The following TMTC1 variants were observed in gnomAD, a reference collection of about 807,000 sequenced individuals.
The protein encoded by TMTC1 is transmembrane O-mannosyltransferase targeting cadherins 1, also known as protein O-mannosyl-transferase TMTC1.
In TMTC1, 73 loss-of-function variants were observed where a neutral mutation model predicts 104.8. The ratio of observed to expected loss-of-function variants is 0.70; its 90% CI spans 0.58 to 0.85. The LOEUF (loss-of-function observed/expected upper bound fraction) is 0.85, where lower values mean the gene tolerates loss of function less well. TMTC1 is among the 40% of genes least tolerant of loss of function. TMTC1 has a pLI of 0.00. For synonymous variants in TMTC1, 434 were observed against 428.7 expected (o/e 1.01, Z -0.15); for missense variants, 1,035 against 1,096.1 (o/e 0.94, Z 0.79).
chr12:29,576,781 C>G (rs889071260), intron 8 of TMTC1, among the ~76,000 whole-genome samples: 8 of 151,768 alleles, frequency 5.3e-5, no homozygotes, highest in African/African-American at 1.9e-4. Flanking sequence ...TTTTAGGTGC[C>G]CTTACTATTA....
intron 5 of TMTC1, among the ~76,000 whole-genome samples, chr12:29,712,907 G>T (rs1237311818): frequency 6.6e-6 from 1 of 152,134 alleles, no homozygotes; most frequent in Non-Finnish European, 1.5e-5. Context: ...TTAATTTTAT[G>T]TGCCAATTTG....
intron 5 of TMTC1, among the ~76,000 whole-genome samples, chr12:29,708,289 T>A (rs888565179): frequency 6.6e-6 from 1 of 152,194 alleles, no homozygotes; most frequent in Non-Finnish European, 1.5e-5. Context: ...AATGAATGAG[T>A]GAATACAGCC....
At chr12:29,659,485 C>A (rs926849306) in intron 5 of TMTC1, among the ~76,000 whole-genome samples, 1 of 152,212 alleles carries the variant, frequency 6.6e-6, no homozygotes, top group Non-Finnish European at 1.5e-5. Flanking sequence ...TGCACACAGT[C>A]AGCTCACCAT....
intron 6 of TMTC1, among the ~76,000 whole-genome samples, chr12:29,632,913 C>A (rs571740957): frequency 5.9e-5 from 9 of 152,034 alleles, no homozygotes; most frequent in African/African-American, 1.9e-4. Context: ...CAGCCAACCA[C>A]AGTAGTAACC....
At chr12:29,544,225 G>A (rs2136223816) in intron 10 of TMTC1, among the ~76,000 whole-genome samples, 1 of 142,390 alleles carries the variant, frequency 7.0e-6, no homozygotes, top group South Asian at 2.2e-4. Flanking sequence ...CTGGGCAACA[G>A]AAGCAAAACT....
At chr12:29,752,452 C>A (rs1191285055) in intron 4 of TMTC1, among the ~76,000 whole-genome samples, 1 of 152,166 alleles carries the variant, frequency 6.6e-6, no homozygotes, top group African/African-American at 2.4e-5. Context: ...AGCAATGTCT[C>A]GGGATGTAAT....
intron 6 of TMTC1, among the ~76,000 whole-genome samples, chr12:29,613,556 T>C (rs1946900981): frequency 6.6e-6 from 1 of 152,160 alleles, no homozygotes; most frequent in African/African-American, 2.4e-5. Flanking sequence ...TAAGGGGACC[T>C]AGTGTGGAAG....
intron 17 of TMTC1, among the ~76,000 whole-genome samples, chr12:29,510,851 G>A (rs572179548): frequency 1.3e-5 from 2 of 152,268 alleles, no homozygotes; most frequent in South Asian, 4.1e-4. Flanking sequence ...TGGCATAAAA[G>A]CCCAAGTCCC....
Position 29,506,949 on chromosome 12 carries a change from GCT to G in TMTC1, c.2544_2545del (p.Arg848SerfsTer44). 6.2e-7 allele frequency: 1 copy of G among 1,613,754 alleles called. No homozygotes were observed. ...TTTGCTGTCTGGAACCAGCTGTAAG[GCT>G]CTCTCATAATAAGCTCTTGCAGACA... On this transcript the variant is annotated frameshift_variant, in exon 18 of 18. Transcript: ENST00000539277. LOFTEE classifies it high-confidence loss of function.
chr12:29,612,830 G>A (rs775715946), intron 6 of TMTC1, among the ~76,000 whole-genome samples: 2 of 152,118 alleles, frequency 1.3e-5, no homozygotes, highest in African/African-American at 2.4e-5. Context: ...CTTGTAAGTC[G>A]ATATTATATC....
intron 6 of TMTC1, among the ~76,000 whole-genome samples, chr12:29,620,789 A>G (rs1269940274): frequency 1.3e-5 from 2 of 152,234 alleles, no homozygotes; most frequent in East Asian, 1.9e-4. Context: ...ACATAGCAGA[A>G]CATTATCAGC....
intron 11 of TMTC1, among the ~76,000 whole-genome samples, chr12:29,530,434 C>A (rs1944470102): frequency 6.6e-6 from 1 of 152,170 alleles, no homozygotes; most frequent in Non-Finnish European, 1.5e-5. Context: ...GGAAAGAAAC[C>A]ATGGACTGTG....
intron 5 of TMTC1, among the ~76,000 whole-genome samples, chr12:29,664,097 G>A (rs1294176076): frequency 6.7e-6 from 1 of 150,284 alleles, no homozygotes; most frequent in Non-Finnish European, 1.5e-5. Context: ...TGAGGAAGGA[G>A]AATGGCGTGA....
At chr12:29,544,966 T>C (rs373105941) in intron 10 of TMTC1, among the ~76,000 whole-genome samples, 106 of 152,312 alleles carry the variant, frequency 7.0e-4, no homozygotes, top group African/African-American at 1.7e-3. Flanking sequence ...AATGTGCTTA[T>C]TATTAAATAA....
chr12:29,618,052 C>T (rs145055934), intron 6 of TMTC1, among the ~76,000 whole-genome samples: 4 of 152,224 alleles, frequency 2.6e-5, no homozygotes, highest in African/African-American at 4.8e-5. Context: ...TGAGAGATGA[C>T]GGTGGCTTGG....
intron 5 of TMTC1, among the ~76,000 whole-genome samples, chr12:29,689,439 G>A (rs1460141730): frequency 1.3e-5 from 2 of 151,890 alleles, no homozygotes; most frequent in East Asian, 3.9e-4. Flanking sequence ...TCAGCCTCCC[G>A]AGTAGCTGGG....
At chr12:29,614,029 C>T in intron 6 of TMTC1, 2 of 447,926 alleles carry the variant, frequency 4.5e-6, no homozygotes, top group Non-Finnish European at 5.9e-6. Flanking sequence ...TTTCACTCTC[C>T]TAGTGAAGAT....
intron 6 of TMTC1, among the ~76,000 whole-genome samples, chr12:29,632,458 A>G (rs1405182971): frequency 6.6e-6 from 1 of 152,056 alleles, no homozygotes; most frequent in Non-Finnish European, 1.5e-5. Flanking sequence ...TTCTCACTAG[A>G]TATAATGGTT....
rs1163706152 is a variant in TMTC1, at chr12:29,583,449, A to G, written c.1376T>C (p.Val459Ala). ...LLLLLFSWKT[V>A]KQNEIWLSRE... ...TGACAGCCAAATTTCATTCTGTTTC[A>G]CAGTTTTCCAAGAGAAAAGCAACAG... The change falls in exon 8 of 18, where the codon GTG becomes GCG. Residue 459 changes from valine to alanine, a missense_variant. Physicochemically the swap from Val to Ala is moderately conservative, Grantham distance 64. Coordinates refer to ENST00000539277, the MANE Select transcript of TMTC1 (RefSeq NM_001193451.2). 1.2e-6 allele frequency: 2 copies of G among 1,613,918 alleles called. No homozygotes were observed. Among genetic ancestry groups the G allele is most frequent in the South Asian group, 2.2e-5 (2 of 91,080 alleles).
Sources: gnomAD v4.1 joint callset for allele counts (sites outside exome capture counted in the v4.1 genomes callset) on GRCh38, gnomAD v4.1.1 for gene constraint, MANE v1.5 for transcripts, NCBI Gene and HGNC (gene_info 2026-07-23, HGNC 2026-07-21) for gene names.